PALS1: variants seen among roughly 807,000 people sequenced by gnomAD.
PALS1 encodes protein PALS1.
A neutral mutation model predicts 78.9 loss-of-function variants in PALS1; 31 were observed. The observed-to-expected ratio is 0.39, with a 90% CI of 0.30 to 0.53. PALS1 has a LOEUF of 0.53. PALS1 is among the 20% of genes least tolerant of loss of function. The pLI, the probability that PALS1 is intolerant of heterozygous loss-of-function variation, is 0.67. For missense variants in PALS1, 704 were observed against 826.5 expected (o/e 0.85, Z 1.82); for synonymous variants, 276 against 270.9 (o/e 1.02, Z -0.18).
Position 67,333,897 on chromosome 14 carries a change from G to A in PALS1, c.*941G>A, listed in dbSNP as rs1007088268. On this transcript the variant is annotated 3_prime_UTR_variant, in exon 15 of 15. Transcript: ENST00000261681. ...CATTTGACAGTTTTTGCATTTTTAT[G>A]TATGAGCACAGTATCCTATGACTGT... 1 of 152,524 alleles carries A rather than the reference G, an allele frequency of 6.6e-6. No homozygotes were observed. Among genetic ancestry groups the A allele is most frequent in the African/African-American group, 2.4e-5 (1 of 41,410 alleles). 9.4% of individuals were successfully genotyped at this position (152,524 alleles called of 1,614,324 possible).
At chr14:67,247,948 A>G (rs2084011560) in intron 1 of PALS1, among the ~76,000 whole-genome samples, 1 of 152,110 alleles carries the variant, frequency 6.6e-6, no homozygotes, top group African/African-American at 2.4e-5. Flanking sequence ...GCTGTAGGTC[A>G]TTTTGTGCAT....
chr14:67,326,042 G>A (rs1278409965), intron 14 of PALS1, among the ~76,000 whole-genome samples: 2 of 142,650 alleles, frequency 1.4e-5, no homozygotes, highest in African/African-American at 2.7e-5. Context: ...AGCCAGGATG[G>A]TCTCGATCTC....
intron 1 of PALS1, among the ~76,000 whole-genome samples, chr14:67,266,177 TAAAG>T (rs907221520): frequency 3.3e-5 from 5 of 152,102 alleles, no homozygotes; most frequent in Admixed American, 6.6e-5. Flanking sequence ...TGTTTAAAAT[TAAAG>T]AAATATATAT....
At chr14:67,288,505 C>T (rs752176027) in intron 3 of PALS1, among the ~76,000 whole-genome samples, 3 of 152,116 alleles carry the variant, frequency 2.0e-5, no homozygotes, top group Non-Finnish European at 2.9e-5. Context: ...TCCATCTTTA[C>T]GAAGAAAATT....
chr14:67,328,527 G>C (rs1288476689), intron 14 of PALS1, among the ~76,000 whole-genome samples: 2 of 152,156 alleles, frequency 1.3e-5, no homozygotes, highest in African/African-American at 4.8e-5. Context: ...ATTGCTTTTG[G>C]TGTTTTAGTC....
chr14:67,316,801 T>G (rs756735684), intron 9 of PALS1, 31 bp from the exon 10 acceptor site: 1 of 1,577,366 alleles, frequency 6.3e-7, no homozygotes, highest in Non-Finnish European at 8.6e-7. Flanking sequence ...ATCTTAAATA[T>G]TTTACCCTTC....
At chr14:67,295,428 T>C (rs1236489553) in intron 4 of PALS1, among the ~76,000 whole-genome samples, 1 of 151,154 alleles carries the variant, frequency 6.6e-6, no homozygotes, top group Non-Finnish European at 1.5e-5. Context: ...AGGCAAAGGT[T>C]GCAGTGAGCT....
At chr14:67,329,271 C>G (rs1213954678) in intron 14 of PALS1, among the ~76,000 whole-genome samples, 1 of 152,148 alleles carries the variant, frequency 6.6e-6, no homozygotes, top group African/African-American at 2.4e-5. Flanking sequence ...TGATTTGGCT[C>G]TCTCTTTGTC....
intron 1 of PALS1, among the ~76,000 whole-genome samples, chr14:67,242,215 G>A (rs2083917028): frequency 6.6e-6 from 1 of 152,154 alleles, no homozygotes; most frequent in Admixed American, 6.5e-5. Context: ...TCTGTTGATT[G>A]ACATACAGTA....
chr14:67,298,510 C>T (rs1400273623), intron 4 of PALS1, among the ~76,000 whole-genome samples: 24 of 131,510 alleles, frequency 1.8e-4, no homozygotes, highest in South Asian at 2.4e-4. Flanking sequence ...AGTGAAACTC[C>T]GTCTCAAAAA....
intron 8 of PALS1, 77 bp downstream of exon 8, chr14:67,303,676 A>G: frequency 3.0e-6 from 3 of 991,338 alleles, no homozygotes; most frequent in Non-Finnish European, 4.9e-6. Flanking sequence ...CTGTTACAGA[A>G]ATGTCACTGT....
At position 67,279,386 on chromosome 14, in the gene PALS1, A is replaced by T. The variant is rs779026053; in HGVS notation, c.216A>T (p.Glu72Asp). ...AGGACATGAGGCGTAGGAGAGAGGA[A>T]GAAGGGAAAAAGCAAGAACTTGACC... is the stretch of plus-strand genomic sequence containing the variant. ...QQEDMRRRRE[E>D]EGKKQELDLN... Residue 72 changes from glutamate to aspartate, a missense_variant, in exon 3 of 15, where the codon GAA becomes GAT. Coordinates refer to ENST00000261681, the MANE Select transcript of PALS1 (RefSeq NM_022474.4). The T allele has an allele frequency of 2.5e-6, 4 of 1,613,876 alleles. No homozygotes were observed. The highest frequency in any genetic ancestry group is 3.4e-6 in the Non-Finnish European group (4 of 1,179,940).
chr14:67,286,489 CTT>C (rs2084689752), intron 3 of PALS1, among the ~76,000 whole-genome samples: 1 of 152,206 alleles, frequency 6.6e-6, no homozygotes, highest in East Asian at 1.9e-4. Context: ...TGTTGAAAAA[CTT>C]AGGTGGATTT....
At chr14:67,243,085 ATAT>A (rs1567494184) in intron 1 of PALS1, among the ~76,000 whole-genome samples, 1 of 152,190 alleles carries the variant, frequency 6.6e-6, no homozygotes, top group East Asian at 1.9e-4. Context: ...TCAATTTTAT[ATAT>A]TATTTACTGA....
At chr14:67,289,168 A>G (rs546081976) in intron 3 of PALS1, among the ~76,000 whole-genome samples, 47 of 151,782 alleles carry the variant, frequency 3.1e-4, no homozygotes, top group Non-Finnish European at 5.3e-4. Flanking sequence ...GAGTTTTGCC[A>G]TGTTGGCCAG....
intron 1 of PALS1, among the ~76,000 whole-genome samples, chr14:67,249,604 A>T (rs2084036978): frequency 6.6e-6 from 1 of 152,176 alleles, no homozygotes; most frequent in Admixed American, 6.5e-5. Context: ...ATAAGTTCAA[A>T]TATTAGAAAT....
At chr14:67,244,163 A>C (rs2083949807) in intron 1 of PALS1, among the ~76,000 whole-genome samples, 1 of 152,146 alleles carries the variant, frequency 6.6e-6, no homozygotes, top group Admixed American at 6.5e-5. Flanking sequence ...CCTACTGAAG[A>C]ATTTTCAGTT....
intron 4 of PALS1, among the ~76,000 whole-genome samples, chr14:67,296,415 A>G (rs1203059640): frequency 6.6e-6 from 1 of 151,988 alleles, no homozygotes; most frequent in East Asian, 1.9e-4. Context: ...CCTGGCTAAC[A>G]TGGTGAAATG....
At position 67,301,464 on chromosome 14, in the gene PALS1, C is replaced by G; in HGVS notation, c.652C>G (p.Gln218Glu). The G allele has an allele frequency of 6.2e-7, 1 of 1,606,560 alleles. No individual in the cohort carries two copies. The highest frequency in any genetic ancestry group is 8.5e-7 in the Non-Finnish European group (1 of 1,174,954). The change falls in exon 5 of 15, where the codon CAG becomes GAG. Residue 218 changes from glutamine (Q) to glutamate (E), a missense_variant and splice_region_variant. Gln to Glu is a conservative substitution (Grantham distance 29, BLOSUM62 2). Transcript: ENST00000261681. ...LTALLNTPHI[Q>E]ALLLAHDKVA... ...TGCTTTGCTGAATACTCCACATATT[C>G]AGGTAGAAAATGGACAGAATACTAT...
Sources: gnomAD v4.1 joint callset for allele counts (sites outside exome capture counted in the v4.1 genomes callset) on GRCh38, gnomAD v4.1.1 for gene constraint, MANE v1.5 for transcripts, NCBI Gene and HGNC (gene_info 2026-07-23, HGNC 2026-07-21) for gene names.